LETM1: variants seen among roughly 807,000 people sequenced by gnomAD.
LETM1 encodes leucine zipper and EF-hand containing transmembrane protein 1.
In LETM1, 50 loss-of-function variants were observed where a neutral mutation model predicts 74.5. That is an observed-to-expected ratio of 0.67 (90% CI 0.53 to 0.85). The LOEUF is 0.85. Ranked by LOEUF, LETM1 falls within the 40% of genes least tolerant of loss-of-function variation. LETM1 has a pLI of 0.00. For missense variants in LETM1, 824 were observed against 967.8 expected, an observed-to-expected ratio of 0.85 and a Z score of 1.97; for synonymous variants, 446 against 407.1, an observed-to-expected ratio of 1.10 and a Z score of -1.15.
rs375093946 is a variant in LETM1 at position 1,841,760 on chromosome 4, C to T, written c.181G>A (p.Val61Met). 18 of 1,613,878 alleles carry T rather than the reference C, an allele frequency of 1.1e-5. No individual in the cohort carries two copies. In the African/African-American group the frequency reaches 2.0e-4, roughly 18 times the overall value. The change falls in exon 3 of 14, where the codon GTG (valine) becomes ATG (methionine). Residue 61 changes from valine (V) to methionine (M), a missense_variant. By Grantham distance (21) the Val-to-Met change is conservative. Transcript: ENST00000302787. ...TGATCGCCTCTGGAGGATGTGTACA[C>T]AGGGTGGATGGGAGTGCAGCAGCCA... ...PFGCCTPIHP[V>M]YTSSRGDHLG...
At chr4:1,841,890 C>T in intron 2 of LETM1, 93 bp from the exon 3 acceptor site, 2 of 893,296 alleles carry the variant, frequency 2.2e-6, no homozygotes, top group Non-Finnish European at 1.8e-6. Context: ...AACCCACATG[C>T]CCCGTGCCAT....
chr4:1,832,229 G>A (rs1227371663), intron 6 of LETM1, among the ~76,000 whole-genome samples: 1 of 152,122 alleles, frequency 6.6e-6, no homozygotes, highest in East Asian at 1.9e-4. Flanking sequence ...TTGAACCCAG[G>A]AGGCAGAGGT....
chr4:1,825,429 G>T, intron 7 of LETM1, 135 bp downstream of exon 7: 1 of 1,064,854 alleles, frequency 9.4e-7, no homozygotes, highest in Non-Finnish European at 1.4e-6. Flanking sequence ...CAAACATCCT[G>T]GCCGTCCCCA....
chr4:1,832,460 G>A (rs1223461794), intron 6 of LETM1, among the ~76,000 whole-genome samples: 1 of 152,162 alleles, frequency 6.6e-6, no homozygotes, highest in Non-Finnish European at 1.5e-5. Flanking sequence ...GAGGCACAGA[G>A]GCACTGTCAT....
At chr4:1,845,122 G>A (rs190626027) in intron 2 of LETM1, among the ~76,000 whole-genome samples, 345 of 151,732 alleles carry the variant, frequency 2.3e-3, no homozygotes, top group African/African-American at 7.9e-3. Context: ...CTTGGGAGGC[G>A]GAGGTTGCAG....
At chr4:1,815,465 T>C (rs1449825082) in intron 13 of LETM1, among the ~76,000 whole-genome samples, 199 bp downstream of exon 13, 1 of 152,232 alleles carries the variant, frequency 6.6e-6, no homozygotes, top group East Asian at 1.9e-4. Flanking sequence ...ACTTGAGTTG[T>C]AACTTCAATA....
chr4:1,839,015 G>A (rs1712584364), intron 3 of LETM1, among the ~76,000 whole-genome samples: 2 of 152,100 alleles, frequency 1.3e-5, no homozygotes, highest in Admixed American at 1.3e-4. Flanking sequence ...TAAAAACATA[G>A]GCACTGAAAA....
In LETM1 at chr4:1,834,750, G is replaced by T; in HGVS notation, c.876+95C>A. ...ACTTTCAAGCGCCAGCCAGCACCTG[G>T]GGGAGCTCCACTCTGCTGAGCACAG... On this transcript the variant is annotated intron_variant, in intron 5 of 13. Coordinates refer to ENST00000302787, the MANE Select transcript of LETM1 (RefSeq NM_012318.3). The surrounding 1 kb of genome is among the most constrained non-coding windows in gnomAD (Gnocchi z 5.0). 6.4e-7 allele frequency: 1 copy of T among 1,552,012 alleles called. No individual in the cohort carries two copies. Among genetic ancestry groups the T allele is most frequent in the Non-Finnish European group, 8.7e-7 (1 of 1,147,400 alleles).
At chr4:1,824,689 G>A (rs763890876) in intron 7 of LETM1, among the ~76,000 whole-genome samples, 1 of 152,216 alleles carries the variant, frequency 6.6e-6, no homozygotes, top group Admixed American at 6.5e-5. Flanking sequence ...TCCCCTGGGG[G>A]CCGAGGGGCC....
intron 6 of LETM1, 27 bp downstream of exon 6, chr4:1,832,717 T>C: frequency 6.2e-7 from 1 of 1,605,134 alleles, no homozygotes; most frequent in East Asian, 2.2e-5. Flanking sequence ...ACACCAGAGC[T>C]GTGGCGCGGA....
At chr4:1,835,604 G>A (rs1302346047) in intron 4 of LETM1, among the ~76,000 whole-genome samples, 1 of 152,172 alleles carries the variant, frequency 6.6e-6, no homozygotes, top group Admixed American at 6.5e-5. Flanking sequence ...GCTTAACTCT[G>A]CTGGTGCCTC....
Position 1,832,853 on chromosome 4 carries a change from G to T in LETM1, c.971C>A (p.Pro324Gln), listed in dbSNP as rs758331889. ...DELTLDNLTR[P>Q]QLVALCKLLE... ...CAGCTTGCACAGGGCCACCAGCTGC[G>T]GCCGTGTCAGGTTGTCCAGGGTCAG... Residue 324 changes from proline to glutamine, a missense_variant, in exon 6 of 14, where the codon CCG becomes CAG. Pro to Gln is a moderately conservative substitution (Grantham distance 76). Coordinates refer to ENST00000302787, the MANE Select transcript of LETM1 (RefSeq NM_012318.3). 2.5e-6 allele frequency: 4 copies of T among 1,613,828 alleles called. No homozygotes were observed. The highest frequency in any genetic ancestry group is 3.4e-6 in the Non-Finnish European group (4 of 1,180,026).
At chr4:1,827,104 C>T (rs769247483) in intron 6 of LETM1, among the ~76,000 whole-genome samples, 5 of 152,114 alleles carry the variant, frequency 3.3e-5, no homozygotes, top group Admixed American at 6.5e-5. Flanking sequence ...CTTCCTGCTG[C>T]GCCGAGGTAC....
chr4:1,842,224 G>A (rs573405556), intron 2 of LETM1, among the ~76,000 whole-genome samples: 13 of 152,336 alleles, frequency 8.5e-5, no homozygotes, highest in African/African-American at 2.9e-4. Context: ...CCTCCAACAA[G>A]TGACTTTCTG....
intron 9 of LETM1, 184 bp downstream of exon 9, chr4:1,822,804 A>G: frequency 2.1e-6 from 1 of 470,138 alleles, no homozygotes; most frequent in East Asian, 3.5e-5. Context: ...GGGAGTCCCC[A>G]TGTCAGAGTT....
At chr4:1,845,340 T>A (rs921776935) in intron 2 of LETM1, among the ~76,000 whole-genome samples, 2 of 152,118 alleles carry the variant, frequency 1.3e-5, no homozygotes, top group Non-Finnish European at 2.9e-5. Flanking sequence ...ACTACAAGGC[T>A]CACACCTGTA....
chr4:1,828,927 T>C (rs1577316712), intron 6 of LETM1, among the ~76,000 whole-genome samples: 1 of 80,512 alleles, frequency 1.2e-5, no homozygotes, highest in Non-Finnish European at 2.3e-5. Flanking sequence ...CACTTCCCAG[T>C]AGGGGTGGCC....
intron 1 of LETM1, 141 bp downstream of exon 1, chr4:1,855,728 C>T: frequency 4.3e-6 from 2 of 460,966 alleles, no homozygotes; most frequent in Non-Finnish European, 6.6e-6. Context: ...ACCCGGGGCC[C>T]CACGGTCCCG....
chr4:1,848,009 T>G (rs78385605), intron 2 of LETM1, among the ~76,000 whole-genome samples: 8 of 122,986 alleles, frequency 6.5e-5, no homozygotes, highest in Non-Finnish European at 1.1e-4. Context: ...AAAATAAAAA[T>G]AAAAAAAAAA....
Sources: gnomAD v4.1 joint callset for allele counts (sites outside exome capture counted in the v4.1 genomes callset) on GRCh38, gnomAD v4.1.1 for gene constraint, Gnocchi (gnomAD v3.1) non-coding constraint, MANE v1.5 for transcripts, NCBI Gene and HGNC (gene_info 2026-07-23, HGNC 2026-07-21) for gene names.